Variants in SERPINB10 observed in about 807,000 individuals in gnomAD.
The protein encoded by SERPINB10 is serpin B10.
In SERPINB10, 35 loss-of-function variants were observed where a neutral mutation model predicts 39.1. That is an observed-to-expected ratio of 0.90 (90% CI 0.68 to 1.19). The LOEUF is 1.19. SERPINB10 is among the 50% of genes most tolerant of loss of function. The pLI is 0.00. For synonymous variants in SERPINB10, 190 were observed against 158.1 expected (o/e 1.20, Z -1.52); for missense variants, 546 against 460.5 (o/e 1.19, Z -1.70).
At position 63,935,107 on chromosome 18, in the gene SERPINB10, T is replaced by C. The variant is rs776026367; in HGVS notation, c.1059T>C (p.Ala353=). 1 of 1,614,072 alleles carries C rather than the reference T, an allele frequency of 6.2e-7. No individual in the cohort carries two copies. Among genetic ancestry groups the C allele is most frequent in the Admixed American group, 1.7e-5 (1 of 60,034 alleles). The change falls in exon 8 of 8, where the codon GCT becomes GCC. Residue 353 remains alanine (A), a synonymous_variant. Coordinates refer to ENST00000238508, the MANE Select transcript of SERPINB10 (RefSeq NM_005024.3). ...EINEQGTEAA[A]GSGSEIDIRI... is the part of the protein sequence containing the mutation. The stretch of plus-strand genomic sequence containing the variant: ...ATGAACAAGGTACTGAAGCTGCAGC[T>C]GGCAGTGGGAGTGAGATAGATATAC...
intron 5 of SERPINB10, among the ~76,000 whole-genome samples, chr18:63,922,606 A>G (rs1234858430): frequency 1.3e-5 from 2 of 151,976 alleles, no homozygotes; most frequent in Non-Finnish European, 2.9e-5. Context: ...TTTTAGAGCC[A>G]AGAAGACAGC....
chr18:63,933,009 A>C, intron 6 of SERPINB10, 39 bp from the exon 7 acceptor site: 1 of 1,580,382 alleles, frequency 6.3e-7, no homozygotes, highest in Non-Finnish European at 8.6e-7. Flanking sequence ...TTCTTCAATG[A>C]CCTTGTTACC....
intron 6 of SERPINB10, among the ~76,000 whole-genome samples, chr18:63,931,031 G>A (rs1297042726): frequency 6.6e-6 from 1 of 152,126 alleles, no homozygotes; most frequent in Non-Finnish European, 1.5e-5. Flanking sequence ...TAATCGAGTA[G>A]GTTAACGAGA....
At position 63,935,341 on chromosome 18, in the gene SERPINB10, A is replaced by G; in HGVS notation, c.*99A>G. On this transcript the variant is annotated 3_prime_UTR_variant, in exon 8 of 8. Coordinates refer to ENST00000238508, the MANE Select transcript of SERPINB10 (RefSeq NM_005024.3). The stretch of plus-strand genomic sequence containing the variant: ...TTTCACAAAAATGAGTTTGTAGTCT[A>G]AACCTTTTTCACATTTGAATATAAG... 1.6e-6 allele frequency: 2 copies of G among 1,246,484 alleles called. No homozygotes were observed. The highest frequency in any genetic ancestry group is 1.5e-5 in the South Asian group (1 of 66,012). The allele number at this position is 1,246,484 out of a possible 1,614,324, so 77.2% of individuals were successfully genotyped here.
chr18:63,919,746 G>C, intron 4 of SERPINB10, 42 bp from the exon 5 acceptor site: 1 of 1,376,692 alleles, frequency 7.3e-7, no homozygotes, highest in Non-Finnish European at 1.0e-6. Flanking sequence ...TCTCAATTTT[G>C]AACAAACTCT....
At chr18:63,917,359 A>C in intron 2 of SERPINB10, 97 bp from the exon 3 acceptor site, 1 of 634,106 alleles carries the variant, frequency 1.6e-6, no homozygotes, top group South Asian at 2.9e-5. Context: ...TATGTTCTGC[A>C]ATTATAGGAA....
At chr18:63,913,119 T>G (rs2050076841) in intron 1 of SERPINB10, among the ~76,000 whole-genome samples, 1 of 151,956 alleles carries the variant, frequency 6.6e-6, no homozygotes, top group Admixed American at 6.6e-5. Flanking sequence ...GGATCAGTTG[T>G]AATGTCACTT....
intron 4 of SERPINB10, among the ~76,000 whole-genome samples, 200 bp from the exon 5 acceptor site, chr18:63,919,588 G>A (rs574605099): frequency 5.9e-5 from 9 of 151,984 alleles, no homozygotes; most frequent in Non-Finnish European, 1.2e-4. Flanking sequence ...GCTCTGCATA[G>A]CTAGCCAGTG....
intron 7 of SERPINB10, 90 bp downstream of exon 7, chr18:63,933,293 CA>C: frequency 1.4e-6 from 2 of 1,396,196 alleles, no homozygotes; most frequent in Non-Finnish European, 2.0e-6. Context: ...CAATTGTCCT[CA>C]GGAAGAATGT....
intron 1 of SERPINB10, among the ~76,000 whole-genome samples, chr18:63,913,630 G>A (rs982521881): frequency 2.6e-5 from 4 of 152,082 alleles, no homozygotes; most frequent in Non-Finnish European, 4.4e-5. Context: ...TGTGGTCTGA[G>A]AGTATAGTTG....
chr18:63,919,995 C>T (rs2050135567), intron 5 of SERPINB10, 90 bp downstream of exon 5: 4 of 701,866 alleles, frequency 5.7e-6, no homozygotes, highest in South Asian at 1.8e-5. Context: ...TATGTATACT[C>T]CTTAAATAGA....
At chr18:63,931,062 G>A (rs1389613276) in intron 6 of SERPINB10, among the ~76,000 whole-genome samples, 3 of 152,108 alleles carry the variant, frequency 2.0e-5, no homozygotes, top group Non-Finnish European at 4.4e-5. Context: ...ATAGTTACCT[G>A]GGTTTATATA....
chr18:63,933,240 C>G (rs766500845), intron 7 of SERPINB10, 37 bp downstream of exon 7: 1 of 1,609,026 alleles, frequency 6.2e-7, no homozygotes, highest in Admixed American at 1.7e-5. Context: ...GAGGGTGTTT[C>G]CAGTGTTTAC....
rs1269569145 is a variant in SERPINB10 at position 63,918,081 on chromosome 18, G to A, written c.351G>A (p.Glu117=). 1 of 1,612,276 alleles carries A rather than the reference G, an allele frequency of 6.2e-7. No homozygotes were observed. The highest frequency in any genetic ancestry group is 1.1e-5 in the South Asian group (1 of 91,016). ...AAACAGCCAATGCGATATATGGAGA[G>A]AAAACGTATGCATTTCACAATGTAA... ...LLKTANAIYG[E]KTYAFHNKYL... The change falls in exon 4 of 8, where the codon GAG becomes GAA. Residue 117 remains glutamate (E), a synonymous_variant. Transcript: ENST00000238508.
rs775153160 is a variant in SERPINB10 at position 63,915,594 on chromosome 18, C to A, written c.84C>A (p.Ile28=). 5.0e-6 allele frequency: 8 copies of A among 1,612,770 alleles called. No individual in the cohort carries two copies. The highest frequency in any genetic ancestry group is 6.8e-6 in the Non-Finnish European group (8 of 1,179,228). ...KLAESAQGKN[I]FFSSWSISTS... The stretch of plus-strand genomic sequence containing the variant: ...CTGAATCTGCTCAGGGTAAAAATAT[C>A]TTCTTTTCTTCCTGGAGCATCTCAA... Residue 28 remains isoleucine (I), a synonymous_variant, in exon 2 of 8, where the codon ATC becomes ATA. Coordinates refer to ENST00000238508, the MANE Select transcript of SERPINB10 (RefSeq NM_005024.3).
chr18:63,910,123 T>C (rs1043674276), intron 1 of SERPINB10, among the ~76,000 whole-genome samples: 5 of 151,954 alleles, frequency 3.3e-5, no homozygotes, highest in African/African-American at 1.2e-4. Context: ...AAACTTTGTC[T>C]ACACATGCCT....
chr18:63,919,740 A>C, intron 4 of SERPINB10, 48 bp from the exon 5 acceptor site: 1 of 1,310,712 alleles, frequency 7.6e-7, no homozygotes, highest in Non-Finnish European at 1.1e-6. Context: ...TTGATTTCTC[A>C]ATTTTGAACA....
intron 6 of SERPINB10, among the ~76,000 whole-genome samples, chr18:63,931,757 A>G (rs1014189389): frequency 5.3e-5 from 8 of 152,192 alleles, no homozygotes; most frequent in African/African-American, 1.9e-4. Flanking sequence ...TAATATTGAT[A>G]CATCATTATT....
At chr18:63,916,310 A>G (rs12454249) in intron 2 of SERPINB10, among the ~76,000 whole-genome samples, 21,444 of 151,034 alleles carry the variant, frequency 0.14, 1,943 homozygotes, top group Non-Finnish European at 0.19. Flanking sequence ...ATACATATAT[A>G]TATGCAACAA....
Sources: gnomAD v4.1 joint callset for allele counts (sites outside exome capture counted in the v4.1 genomes callset) on GRCh38, gnomAD v4.1.1 for gene constraint, MANE v1.5 for transcripts, NCBI Gene and HGNC (gene_info 2026-07-23, HGNC 2026-07-21) for gene names.